The following PREX2 variants were observed in gnomAD, a reference collection of about 807,000 sequenced individuals.
PREX2 encodes the protein phosphatidylinositol 3,4,5-trisphosphate-dependent Rac exchanger 2 protein.
A neutral mutation model predicts 203.2 loss-of-function variants in PREX2; 107 were observed. The ratio of observed to expected loss-of-function variants is 0.53; its 90% CI spans 0.45 to 0.62. The LOEUF is 0.62. PREX2 is among the 20% of genes least tolerant of loss of function. The pLI, the probability that PREX2 is intolerant of heterozygous loss-of-function variation, is 0.00. For synonymous variants in PREX2, 672 were observed against 663.6 expected, an observed-to-expected ratio of 1.01 and a Z score of -0.19; for missense variants, 1,777 against 1,955.9, an observed-to-expected ratio of 0.91 and a Z score of 1.72.
chr8:68,108,955 C>G (rs1183270018), intron 24 of PREX2: 7 of 394,478 alleles, frequency 1.8e-5, no homozygotes, highest in Non-Finnish European at 3.5e-5. Context: ...CACAGAAAGA[C>G]AAATACTATA....
intron 32 of PREX2, among the ~76,000 whole-genome samples, chr8:68,136,556 T>C (rs1308488085): frequency 6.6e-6 from 1 of 152,206 alleles, no homozygotes; most frequent in African/African-American, 2.4e-5. Flanking sequence ...GGCCACACTG[T>C]CTGGAACATT....
At chr8:68,102,703 CT>C (rs1337628983) in intron 23 of PREX2, 2 of 374,050 alleles carry the variant, frequency 5.3e-6, no homozygotes, top group Non-Finnish European at 5.2e-6. Flanking sequence ...AAGATGCTGG[CT>C]TTACCTTATT....
intron 6 of PREX2, among the ~76,000 whole-genome samples, chr8:68,035,117 C>T (rs1281667366): frequency 6.6e-6 from 1 of 152,018 alleles, no homozygotes; most frequent in Admixed American, 6.6e-5. Flanking sequence ...ATAGTTTTAA[C>T]CTCAAAAAGA....
At position 68,236,341 on chromosome 8, in the gene PREX2, T is replaced by C. The variant is rs1813263882; in HGVS notation, c.*4963T>C. 6.6e-6 allele frequency: 1 copy of C among 152,202 alleles called. No individual in the cohort carries two copies. The highest frequency in any genetic ancestry group is 2.1e-4 in the South Asian group (1 of 4,830). 9.4% of individuals were successfully genotyped at this position (152,202 alleles called of 1,614,324 possible). ...AGGATAAATGCTATCTGATCAAGCA[T>C]TCATCCGAAAAATGTTTTTGAGAAT... On this transcript the variant is annotated 3_prime_UTR_variant, in exon 40 of 40. Transcript: ENST00000288368.
Position 68,069,102 on chromosome 8 carries a change from A to G in PREX2, c.1409A>G (p.Tyr470Cys), listed in dbSNP as rs762839120. The stretch of plus-strand genomic sequence containing the variant: ...TTTCGCTATGATGATGGAACATTTT[A>G]TCCAAGAAATGAGATGCAGGACGTG... ...YRFRYDDGTF[Y>C]PRNEMQDVIS... Residue 470 changes from tyrosine to cysteine, a missense_variant, in exon 12 of 40, where the codon TAT (tyrosine) becomes TGT (cysteine). Tyr to Cys is a radical substitution (Grantham distance 194, BLOSUM62 -2). Coordinates refer to ENST00000288368, the MANE Select transcript of PREX2 (RefSeq NM_024870.4). 1.9e-6 allele frequency: 3 copies of G among 1,575,920 alleles called. No individual in the cohort carries two copies. Among genetic ancestry groups the G allele is most frequent in the Non-Finnish European group, 2.6e-6 (3 of 1,163,346 alleles).
chr8:68,050,062 G>GTATATA (rs528671209), intron 8 of PREX2, among the ~76,000 whole-genome samples: 24 of 151,292 alleles, frequency 1.6e-4, no homozygotes, highest in African/African-American at 5.8e-4. Context: ...ATGTATGTGT[G>GTATATA]TATATATATA....
At position 68,105,466 on chromosome 8, in the gene PREX2, C is replaced by T. The variant is rs879824549; in HGVS notation, c.2716-2643C>T. The T allele has an allele frequency of 2.6e-6, 3 of 1,156,336 alleles. No individual in the cohort carries two copies. The African/African-American group carries it at 4.8e-5, about 19-fold the overall frequency. 71.6% of individuals were successfully genotyped at this position (1,156,336 alleles called of 1,614,324 possible). A position where few individuals can be genotyped will look rare whatever the true frequency, so the allele number is the denominator to read the frequency against. ...TGTATTCACAGGCATTTGTATTGAG[C>T]TACAAGTTGGAAAGCCAGTCCCCCT... On this transcript the variant is annotated intron_variant, in intron 23 of 39. Coordinates refer to ENST00000288368, the MANE Select transcript of PREX2 (RefSeq NM_024870.4).
intron 35 of PREX2, among the ~76,000 whole-genome samples, chr8:68,177,724 C>T (rs904382468): frequency 1.3e-5 from 2 of 152,070 alleles, no homozygotes; most frequent in African/African-American, 2.4e-5. Flanking sequence ...CTGTACAGAT[C>T]ATCCCATCAC....
intron 1 of PREX2, among the ~76,000 whole-genome samples, chr8:68,013,120 T>C (rs893717466): frequency 1.3e-5 from 2 of 152,202 alleles, no homozygotes; most frequent in African/African-American, 4.8e-5. Context: ...GTGCCAGATA[T>C]TGCTGTAGGT....
At chr8:68,056,520 G>A (rs188693678) in intron 10 of PREX2, among the ~76,000 whole-genome samples, 2 of 152,286 alleles carry the variant, frequency 1.3e-5, no homozygotes, top group African/African-American at 2.4e-5. Context: ...GTGACTGAGT[G>A]TTGTTTGGTT....
intron 32 of PREX2, among the ~76,000 whole-genome samples, chr8:68,134,653 G>T (rs890366098): frequency 6.6e-6 from 1 of 152,166 alleles, no homozygotes; most frequent in African/African-American, 2.4e-5. Context: ...CTATTGAGAT[G>T]GATGTCCTGG....
chr8:68,116,934 T>C (rs1563553427), intron 26 of PREX2, among the ~76,000 whole-genome samples: 1 of 152,216 alleles, frequency 6.6e-6, no homozygotes, highest in Non-Finnish European at 1.5e-5. Context: ...TACTTTTTGT[T>C]CCTTGAATCC....
chr8:68,097,105 T>C lies in PREX2; in HGVS notation c.2457T>C (p.Tyr819=). ...SLTVDNVHLE[Y]GVVYEYDSTA... ...CAGTGGACAATGTCCACCTGGAATA[T>C]GGTGTCGTGTATGAGTACGACAGCA... is the stretch of plus-strand genomic sequence containing the variant. Residue 819 remains tyrosine, a synonymous_variant, in exon 22 of 40, where the codon TAT becomes TAC. Coordinates refer to ENST00000288368, the MANE Select transcript of PREX2 (RefSeq NM_024870.4). 1 of 1,614,012 alleles carries C rather than the reference T, an allele frequency of 6.2e-7. No individual in the cohort carries two copies. The highest frequency in any genetic ancestry group is 8.5e-7 in the Non-Finnish European group (1 of 1,179,928).
chr8:68,025,142 A>G (rs893882091), intron 4 of PREX2, among the ~76,000 whole-genome samples: 8 of 151,848 alleles, frequency 5.3e-5, no homozygotes, highest in Admixed American at 4.6e-4. Context: ...TTCAGCCCTT[A>G]GTACTTCTTC....
chr8:68,183,494 A>G (rs1216511426), intron 35 of PREX2, among the ~76,000 whole-genome samples: 1 of 152,124 alleles, frequency 6.6e-6, no homozygotes, highest in Admixed American at 6.6e-5. Flanking sequence ...TTCCATGGAG[A>G]TAATATTCCC....
chr8:67,971,278 C>T (rs890017282), intron 1 of PREX2, among the ~76,000 whole-genome samples: 9 of 151,992 alleles, frequency 5.9e-5, no homozygotes, highest in African/African-American at 2.2e-4. Context: ...ACAGGTGAGA[C>T]CTGAGAGAGA....
intron 21 of PREX2, 114 bp from the exon 22 acceptor site, chr8:68,096,903 A>G: frequency 1.2e-6 from 1 of 816,598 alleles, no homozygotes; most frequent in Non-Finnish European, 2.0e-6. Context: ...AACACATCAG[A>G]TTTAACCATC....
chr8:67,960,789 T>A (rs1490841727), intron 1 of PREX2, among the ~76,000 whole-genome samples: 1 of 152,084 alleles, frequency 6.6e-6, no homozygotes, highest in Non-Finnish European at 1.5e-5. Context: ...AAGAGAACCG[T>A]AATGATTTGG....
At chr8:68,193,464 T>TA (rs1221769795) in intron 37 of PREX2, among the ~76,000 whole-genome samples, 1 of 152,218 alleles carries the variant, frequency 6.6e-6, no homozygotes, top group African/African-American at 2.4e-5. Context: ...GGTGTTTACT[T>TA]ATTTATTCAA....
Sources: gnomAD v4.1 joint callset for allele counts (sites outside exome capture counted in the v4.1 genomes callset) on GRCh38, gnomAD v4.1.1 for gene constraint, MANE v1.5 for transcripts, NCBI Gene and HGNC (gene_info 2026-07-23, HGNC 2026-07-21) for gene names.